PALM2AKAP2: variants seen among roughly 807,000 people sequenced by gnomAD.
PALM2AKAP2 encodes the protein PALM2 and AKAP2 fusion, also known as PALM2-AKAP2 fusion protein.
PALM2AKAP2 carries 37 observed loss-of-function variants against 71.5 expected under a neutral mutation model. The ratio of observed to expected loss-of-function variants is 0.52; its 90% CI spans 0.40 to 0.68. The LOEUF (loss-of-function observed/expected upper bound fraction) is 0.68. PALM2AKAP2 is among the 30% of genes least tolerant of loss of function. The pLI is 0.00. For missense variants in PALM2AKAP2, 1,224 were observed against 1,191.8 expected (o/e 1.03, Z -0.40); for synonymous variants, 468 against 478.8 (o/e 0.98, Z 0.29).
chr9:109,819,280 A>C lies in PALM2AKAP2; in HGVS notation c.45+38747A>C, dbSNP rs529801102. ...TTCAAGACATAGAATACATTTAAAA[A>C]TTCATCTTAAAGGAAATTTCACAAA... On this transcript the variant is annotated intron_variant, in intron 1 of 9. Transcript: ENST00000302798. Among the ~76,000 whole-genome samples the C allele has an allele frequency of 3.3e-5, 5 of 152,388 alleles. 1 individual carries two copies. The South Asian group carries it at 1.0e-3, about 32-fold the overall frequency.
chr9:109,699,945 T>C (rs550150910), intron 1 of PALM2AKAP2, among the ~76,000 whole-genome samples: 158 of 152,212 alleles, frequency 1.0e-3, no homozygotes, highest in African/African-American at 3.5e-3. Context: ...CCGGCTAATT[T>C]TTGTATTTTT....
chr9:110,143,411 CAAAA>C (rs10638600), intron 2 of PALM2AKAP2, among the ~76,000 whole-genome samples: 2 of 69,090 alleles, frequency 2.9e-5, no homozygotes, highest in Middle Eastern at 7.5e-3. Flanking sequence ...AGCAAAGTGC[CAAAA>C]AAAAAAAAAA....
chr9:109,897,405 C>A (rs1462952409), intron 3 of PALM2AKAP2, among the ~76,000 whole-genome samples: 1 of 152,022 alleles, frequency 6.6e-6, no homozygotes, highest in Non-Finnish European at 1.5e-5. Flanking sequence ...GATGGTGAAA[C>A]CCCATCTCTA....
chr9:110,030,412 G>T (rs939208528), intron 7 of PALM2AKAP2, among the ~76,000 whole-genome samples: 1 of 152,128 alleles, frequency 6.6e-6, no homozygotes, highest in Non-Finnish European at 1.5e-5. Flanking sequence ...TTCTCTGGAG[G>T]GTAAGATTTT....
At chr9:109,779,866 C>T (rs1829405748), upstream of PALM2AKAP2, among the ~76,000 whole-genome samples, 6 of 152,320 alleles carry the variant, frequency 3.9e-5, no homozygotes, top group South Asian at 1.2e-3. Context: ...ACAGCACGTG[C>T]TCGGGTCCCA....
chr9:110,026,170 C>T (rs1313204373), intron 7 of PALM2AKAP2, among the ~76,000 whole-genome samples: 2 of 152,174 alleles, frequency 1.3e-5, no homozygotes, highest in East Asian at 3.8e-4. Context: ...GCCTCAACCT[C>T]CCAGGCCCAA....
intron 2 of PALM2AKAP2, among the ~76,000 whole-genome samples, chr9:110,143,249 TAA>T (rs75810628): frequency 3.6e-4 from 46 of 126,802 alleles, no homozygotes; most frequent in Admixed American, 4.0e-4. Flanking sequence ...CCCCATCTCT[TAA>T]AAAAAAAAAA....
chr9:110,160,632 A>G (rs1186958715), intron 3 of PALM2AKAP2, among the ~76,000 whole-genome samples: 1 of 152,158 alleles, frequency 6.6e-6, no homozygotes, highest in African/African-American at 2.4e-5. Context: ...TTTCCAGCCA[A>G]TTGTTTCCCT....
At chr9:109,834,601 C>T (rs938607006) in intron 1 of PALM2AKAP2, among the ~76,000 whole-genome samples, 6 of 152,004 alleles carry the variant, frequency 3.9e-5, no homozygotes, top group African/African-American at 1.2e-4. Flanking sequence ...CTTTCAGGGT[C>T]GGGGGTTGAG....
intron 1 of PALM2AKAP2, chr9:109,771,868 C>T (rs1829270145): frequency 6.6e-6 from 1 of 152,240 alleles, no homozygotes; most frequent in African/African-American, 2.4e-5. Context: ...CTTAATCCGA[C>T]CCAGAAGGTG....
upstream of PALM2AKAP2, among the ~76,000 whole-genome samples, chr9:109,778,624 G>A (rs566549042): frequency 6.6e-6 from 1 of 152,286 alleles, no homozygotes; most frequent in South Asian, 2.1e-4. Flanking sequence ...ATCAGTAAAC[G>A]ATTTTGGTGA....
intron 4 of PALM2AKAP2, 40 bp from the exon 5 acceptor site, chr9:109,925,021 A>C (rs769146508): frequency 1.2e-6 from 2 of 1,614,052 alleles, no homozygotes; most frequent in Admixed American, 3.3e-5. Context: ...TTGTACCCCC[A>C]CATGTAGAGT....
chr9:109,903,925 G>A (rs1245689016), intron 3 of PALM2AKAP2, among the ~76,000 whole-genome samples: 2 of 151,924 alleles, frequency 1.3e-5, no homozygotes, highest in Non-Finnish European at 2.9e-5. Flanking sequence ...CTCATTCTCT[G>A]GAAAATCAGT....
intron 4 of PALM2AKAP2, 55 bp from the exon 5 acceptor site, chr9:109,925,006 T>C (rs1830920207): frequency 1.1e-5 from 17 of 1,612,708 alleles, no homozygotes; most frequent in Non-Finnish European, 1.4e-5. Context: ...TGGGAAAAGA[T>C]GGGATTGTAC....
intron 1 of PALM2AKAP2, among the ~76,000 whole-genome samples, chr9:109,660,547 T>C (rs1827377170): frequency 6.6e-6 from 1 of 151,282 alleles, no homozygotes; most frequent in Non-Finnish European, 1.5e-5. Context: ...TATGGCTGCA[T>C]AGTATTCCAT....
At chr9:110,030,626 A>T (rs1414649286) in intron 7 of PALM2AKAP2, among the ~76,000 whole-genome samples, 2 of 152,190 alleles carry the variant, frequency 1.3e-5, no homozygotes, top group East Asian at 3.8e-4. Flanking sequence ...AATACTGAAG[A>T]TTGTTGAAGT....
intron 1 of PALM2AKAP2, among the ~76,000 whole-genome samples, chr9:110,100,295 C>T (rs965612286): frequency 6.6e-6 from 1 of 152,020 alleles, no homozygotes; most frequent in Admixed American, 6.5e-5. Context: ...GGTAACAACA[C>T]GTGCAGCAAC....
intron 1 of PALM2AKAP2, among the ~76,000 whole-genome samples, chr9:110,094,674 G>C (rs547195254): frequency 1.0e-4 from 7 of 68,492 alleles, no homozygotes; most frequent in Admixed American, 9.1e-4. Context: ...GGGGCGGGGG[G>C]GCGGGTAATC....
At position 110,135,164 on chromosome 9, in the gene PALM2AKAP2, A is replaced by AAAAAATATATAT; in HGVS notation, c.157-962_157-961insAAAATATATATA. Among the ~76,000 whole-genome samples, 10 of 51,728 alleles carry AAAAAATATATAT rather than the reference A, an allele frequency of 1.9e-4. 1 individual carries two copies. Among genetic ancestry groups the AAAAAATATATAT allele is most frequent in the African/African-American group, 5.9e-4 (8 of 13,626 alleles). The allele number at this position is 51,728 out of a possible 152,430, so 33.9% of individuals were successfully genotyped here. ...AACTCTGTCTCTACAAAAAAAAAAA[A>AAAAAATATATAT]ATATATAAATATATATATATATATA... On this transcript the variant is annotated intron_variant, in intron 1 of 3. Transcript: ENST00000374525.
Sources: gnomAD v4.1 joint callset for allele counts (sites outside exome capture counted in the v4.1 genomes callset) on GRCh38, gnomAD v4.1.1 for gene constraint, MANE v1.5 for transcripts, NCBI Gene and HGNC (gene_info 2026-07-23, HGNC 2026-07-21) for gene names.